Variants in CHCT1 observed in about 807,000 individuals in gnomAD.
CHCT1 encodes CHD1 helical C-terminal domain containing 1, also known as CHD1 helical C-terminal domain containing protein 1.
the CHCT1 span, among the ~76,000 whole-genome samples, chr17:60,423,899 G>A: frequency 6.6e-6 from 1 of 152,208 alleles, no homozygotes; most frequent in Non-Finnish European, 1.5e-5. Flanking sequence ...AGGAATACTT[G>A]AGGCTAGGCA....
the CHCT1 span, among the ~76,000 whole-genome samples, chr17:60,427,676 G>T: frequency 6.6e-6 from 1 of 152,214 alleles, no homozygotes; most frequent in South Asian, 2.1e-4. Context: ...AGCTCCCAAA[G>T]CATTGGGATT....
the CHCT1 span, among the ~76,000 whole-genome samples, chr17:60,425,194 A>G: frequency 6.6e-6 from 1 of 152,042 alleles, no homozygotes; most frequent in Non-Finnish European, 1.5e-5. Context: ...ATCTCCTTCC[A>G]TCTCCTCACT....
chr17:60,426,036 C>A, the CHCT1 span: 2 of 1,281,704 alleles, frequency 1.6e-6, no homozygotes, highest in Admixed American at 2.2e-5. Flanking sequence ...CCAGAGCCAC[C>A]TCCCGAAACA....
chr17:60,426,858 G>T, the CHCT1 span: 3 of 1,557,360 alleles, frequency 1.9e-6, no homozygotes, highest in South Asian at 3.5e-5. Context: ...GCTGAGGGTT[G>T]GTTGATGTGT....
At chr17:60,424,925 T>G in the CHCT1 span, among the ~76,000 whole-genome samples, 2 of 152,128 alleles carry the variant, frequency 1.3e-5, no homozygotes, top group Non-Finnish European at 2.9e-5. Context: ...GCTCTGCAGA[T>G]AACAGCTCGA....
At chr17:60,427,838 C>T in the CHCT1 span, among the ~76,000 whole-genome samples, 8 of 152,042 alleles carry the variant, frequency 5.3e-5, no homozygotes, top group Non-Finnish European at 1.0e-4. Context: ...TCTATTTGTC[C>T]CTGCCTTCCT....
chr17:60,428,592 T>G, the CHCT1 span, among the ~76,000 whole-genome samples: 1 of 151,260 alleles, frequency 6.6e-6, no homozygotes, highest in Non-Finnish European at 1.5e-5. Context: ...GTTCAAGCGA[T>G]TCTCTTGCCT....
the CHCT1 span, chr17:60,426,027 C>A: frequency 7.9e-7 from 1 of 1,269,054 alleles, no homozygotes; most frequent in Non-Finnish European, 1.1e-6. Context: ...AGAGGTGCAC[C>A]AGAGCCACCT....
the CHCT1 span, among the ~76,000 whole-genome samples, chr17:60,427,764 A>G: frequency 6.6e-6 from 1 of 151,990 alleles, no homozygotes; most frequent in Admixed American, 6.6e-5. Context: ...GTATGATGAC[A>G]TGTATCTACC....
At chr17:60,421,859 GC>G in the CHCT1 span, 6 of 985,486 alleles carry the variant, frequency 6.1e-6, no homozygotes, top group Non-Finnish European at 7.2e-6. Flanking sequence ...CGCACACGAG[GC>G]CGGCGACGGG....
chr17:60,423,842 A>G, the CHCT1 span, among the ~76,000 whole-genome samples: 1 of 152,208 alleles, frequency 6.6e-6, no homozygotes, highest in African/African-American at 2.4e-5. Flanking sequence ...CTTTTTCTGA[A>G]TAGTCATTAG....
the CHCT1 span, chr17:60,421,773 C>T: frequency 6.6e-6 from 6 of 905,566 alleles, no homozygotes; most frequent in South Asian, 1.0e-4. Flanking sequence ...GGCCTCGGGT[C>T]CCTGGAGGGC....
the CHCT1 span, among the ~76,000 whole-genome samples, chr17:60,424,389 A>G: frequency 1.2e-4 from 19 of 152,330 alleles, no homozygotes; most frequent in South Asian, 3.7e-3. Context: ...GGAGCTGCTT[A>G]AATCTTTTGA....
the CHCT1 span, among the ~76,000 whole-genome samples, chr17:60,430,124 T>A: frequency 7.4e-4 from 3 of 4,064 alleles, no homozygotes; most frequent in South Asian, 0.031. Flanking sequence ...GCACCTGGCT[T>A]TTTTTTTTTT....
At chr17:60,426,357 T>A in the CHCT1 span, 3 of 1,542,836 alleles carry the variant, frequency 1.9e-6, no homozygotes, top group Non-Finnish European at 2.6e-6. Flanking sequence ...CTCTTTGCTC[T>A]GCTCCCCATA....
the CHCT1 span, among the ~76,000 whole-genome samples, chr17:60,424,414 C>A: frequency 6.6e-6 from 1 of 152,166 alleles, no homozygotes; most frequent in African/African-American, 2.4e-5. Flanking sequence ...TCATTGTTCT[C>A]ATCTGTAACT....
chr17:60,421,565 A>C, the CHCT1 span: 1 of 985,460 alleles, frequency 1.0e-6, no homozygotes, highest in Non-Finnish European at 1.2e-6. Flanking sequence ...GTTTCAGGGA[A>C]GAAAAGGTGG....
chr17:60,421,747 C>A, the CHCT1 span: 2 of 828,390 alleles, frequency 2.4e-6, no homozygotes, highest in Non-Finnish European at 2.9e-6. Context: ...ACTCTGCCCA[C>A]CGCGTTTCCG....
the CHCT1 span, among the ~76,000 whole-genome samples, chr17:60,427,281 C>G: frequency 1.3e-5 from 2 of 152,040 alleles, no homozygotes; most frequent in Non-Finnish European, 2.9e-5. Context: ...TGGAATTTAC[C>G]AGAAAAAGGG....
Sources: gnomAD v4.1 joint callset for allele counts (sites outside exome capture counted in the v4.1 genomes callset) on GRCh38, gnomAD v4.1.1 for gene constraint, MANE v1.5 for transcripts, NCBI Gene and HGNC (gene_info 2026-07-23, HGNC 2026-07-21) for gene names.